The following COL25A1 variants were observed in gnomAD, a reference collection of about 807,000 sequenced individuals.
COL25A1 encodes collagen alpha-1(XXV) chain.
A neutral mutation model predicts 128.4 loss-of-function variants in COL25A1; 103 were observed. The ratio of observed to expected loss-of-function variants is 0.80; its 90% CI spans 0.68 to 0.94. The LOEUF (loss-of-function observed/expected upper bound fraction) is 0.94, where lower values mean the gene tolerates loss of function less well. Ranked by LOEUF, COL25A1 falls within the 40% of genes least tolerant of loss-of-function variation. The pLI is 0.00. For synonymous variants in COL25A1, 279 were observed against 277.2 expected, an observed-to-expected ratio of 1.01 and a Z score of -0.06; for missense variants, 745 against 840.0, an observed-to-expected ratio of 0.89 and a Z score of 1.40.
intron 20 of COL25A1, among the ~76,000 whole-genome samples, chr4:108,863,800 C>G (rs1415082986): frequency 6.6e-6 from 1 of 152,204 alleles, no homozygotes; most frequent in Non-Finnish European, 1.5e-5. Flanking sequence ...AGCCCTTCCT[C>G]TCAGTCCTTG....
intron 3 of COL25A1, among the ~76,000 whole-genome samples, chr4:109,256,318 C>T (rs1007584104): frequency 7.9e-5 from 12 of 151,992 alleles, no homozygotes; most frequent in African/African-American, 2.2e-4. Context: ...TGGGTGAACA[C>T]GTACAGTTGC....
chr4:109,164,441 T>C (rs1560796438), intron 3 of COL25A1, among the ~76,000 whole-genome samples: 2 of 147,314 alleles, frequency 1.4e-5, no homozygotes, highest in Non-Finnish European at 1.5e-5. Flanking sequence ...TTTGTTTGTT[T>C]GACCTAATCA....
intron 3 of COL25A1, among the ~76,000 whole-genome samples, chr4:109,129,111 T>C (rs1768917165): frequency 6.6e-6 from 1 of 152,140 alleles, no homozygotes; most frequent in South Asian, 2.1e-4. Context: ...TTTTACTTAG[T>C]TGGACCTTAT....
At chr4:109,273,626 A>G (rs543479771) in intron 3 of COL25A1, among the ~76,000 whole-genome samples, 2 of 152,158 alleles carry the variant, frequency 1.3e-5, no homozygotes, top group Non-Finnish European at 2.9e-5. Context: ...GTGGTTTCCA[A>G]TATTATCAAA....
At chr4:109,137,442 A>G (rs2126079286) in intron 3 of COL25A1, among the ~76,000 whole-genome samples, 1 of 152,198 alleles carries the variant, frequency 6.6e-6, no homozygotes, top group Non-Finnish European at 1.5e-5. Flanking sequence ...CTTTTTAAAC[A>G]CTGTAGACGC....
chr4:109,278,140 A>T (rs866691242), intron 3 of COL25A1, among the ~76,000 whole-genome samples: 32 of 152,290 alleles, frequency 2.1e-4, no homozygotes, highest in African/African-American at 6.3e-4. Flanking sequence ...ATCTCAAAAA[A>T]AAAAAAGAAG....
At chr4:109,202,692 A>C (rs1271221802) in intron 3 of COL25A1, among the ~76,000 whole-genome samples, 1 of 152,204 alleles carries the variant, frequency 6.6e-6, no homozygotes, top group East Asian at 1.9e-4. Context: ...GGGACAAGCC[A>C]CATACTGGGA....
chr4:109,146,238 T>C (rs1395819286), intron 3 of COL25A1, among the ~76,000 whole-genome samples: 5 of 152,176 alleles, frequency 3.3e-5, no homozygotes, highest in Non-Finnish European at 5.9e-5. Context: ...TTCTAACATT[T>C]TGAGACGCTC....
intron 25 of COL25A1, among the ~76,000 whole-genome samples, chr4:108,852,610 T>C (rs1342715602): frequency 2.0e-5 from 3 of 152,068 alleles, no homozygotes; most frequent in Non-Finnish European, 2.9e-5. Flanking sequence ...CTACATACAC[T>C]CCTTACCCCT....
chr4:108,824,248 C>A lies in COL25A1; in HGVS notation c.1792-21G>T. The stretch of plus-strand genomic sequence containing the variant: ...AAGCCCTGTAAGATAAAAAGCAAAC[C>A]AAAAAGATCTATTGGTGTAATAGTG... On this transcript the variant is annotated intron_variant, in intron 34 of 37. Transcript: ENST00000399132. 4 of 1,555,454 alleles carry A rather than the reference C, an allele frequency of 2.6e-6. No homozygotes were observed. In the South Asian group the frequency reaches 3.5e-5, roughly 13 times the overall value.
intron 3 of COL25A1, among the ~76,000 whole-genome samples, chr4:109,242,006 T>C (rs1779928937): frequency 6.6e-6 from 1 of 152,036 alleles, no homozygotes; most frequent in Admixed American, 6.6e-5. Context: ...TGTGTCAAGC[T>C]TGTAGTGGGA....
chr4:108,956,195 T>C (rs1006901661), intron 8 of COL25A1, among the ~76,000 whole-genome samples: 4 of 152,172 alleles, frequency 2.6e-5, no homozygotes, highest in African/African-American at 9.7e-5. Context: ...AAAAGGGTTA[T>C]TAGTAGGTGG....
At chr4:108,864,050 C>A (rs1705308540) in intron 20 of COL25A1, among the ~76,000 whole-genome samples, 1 of 152,206 alleles carries the variant, frequency 6.6e-6, no homozygotes, top group East Asian at 1.9e-4. Flanking sequence ...CTCATAAATC[C>A]CCACTCATCT....
Position 109,193,259 on chromosome 4 carries a change from C to A in COL25A1, c.367+107324G>T, listed in dbSNP as rs987414882. Reference sequence around the variant, plus strand: ...TCATAAACAGTAGCAATTCAGCCAACTAGAAGAAGCTGGTTTAAGAAAAAA... The same window carrying A: ...TCATAAACAGTAGCAATTCAGCCAAATAGAAGAAGCTGGTTTAAGAAAAAA... On this transcript the variant is annotated intron_variant, in intron 3 of 37. Coordinates refer to ENST00000399132, the MANE Select transcript of COL25A1 (RefSeq NM_198721.4). Among the ~76,000 whole-genome samples, 5 of 151,744 alleles carry A rather than the reference C, an allele frequency of 3.3e-5. No homozygotes were observed. In the East Asian group the frequency reaches 9.7e-4, roughly 29 times the overall value.
chr4:108,824,054 AT>A, intron 35 of COL25A1, 119 bp downstream of exon 35: 1 of 1,612,834 alleles, frequency 6.2e-7, no homozygotes, highest in Non-Finnish European at 8.5e-7. Context: ...AGGCATCAGT[AT>A]GTTTTTGGAG....
chr4:108,822,043 A>ATTTCTTTTTTT, intron 35 of COL25A1, among the ~76,000 whole-genome samples: 1 of 89,996 alleles, frequency 1.1e-5, no homozygotes, highest in Admixed American at 1.4e-4. Flanking sequence ...CCTAATGGTA[A>ATTTCTTTTTTT]TTTTTTTTTT....
rs184607323 is a variant in COL25A1, at chr4:108,994,743, C to T, written c.438+15615G>A. On this transcript the variant is annotated intron_variant, in intron 6 of 37. Coordinates refer to ENST00000399132, the MANE Select transcript of COL25A1 (RefSeq NM_198721.4). The stretch of plus-strand genomic sequence containing the variant: ...ACAGACACCTCATACAGGCGGGTGC[C>T]CCTCTGGGACAAAGCTTCCAGAGGA... Among the ~76,000 whole-genome samples, 4 of 152,238 alleles carry T rather than the reference C, an allele frequency of 2.6e-5. No homozygotes were observed. The East Asian group carries it at 7.7e-4, about 29-fold the overall frequency.
chr4:109,032,544 A>G (rs1385993034), intron 5 of COL25A1, among the ~76,000 whole-genome samples: 6 of 152,258 alleles, frequency 3.9e-5, no homozygotes, highest in Non-Finnish European at 2.9e-5. Flanking sequence ...TAAAGTCCTC[A>G]CTTCGCACTG....
Position 109,239,837 on chromosome 4 carries a change from A to C in COL25A1, c.367+60746T>G, listed in dbSNP as rs566970484. Among the ~76,000 whole-genome samples, 6 of 152,230 alleles carry C rather than the reference A, an allele frequency of 3.9e-5. No homozygotes were observed. In the East Asian group the frequency reaches 1.2e-3, roughly 29 times the overall value. ...TGTAATAAATCTTAGCTTATAACACAAACACATTGTACACTTCATAGACTT... is the reference window on the plus strand; with the variant it reads ...TGTAATAAATCTTAGCTTATAACACCAACACATTGTACACTTCATAGACTT... On this transcript the variant is annotated intron_variant, in intron 3 of 37. Transcript: ENST00000399132.
Sources: allele counts gnomAD v4.1 joint callset (sites outside exome capture counted in the v4.1 genomes callset), GRCh38; gene constraint gnomAD v4.1.1; transcripts MANE v1.5; gene names NCBI Gene and HGNC (gene_info 2026-07-23, HGNC 2026-07-21).